Variants in KIF9 observed in about 807,000 individuals in gnomAD.
KIF9 encodes the protein kinesin family member 9, also known as kinesin-like protein KIF9.
KIF9 carries 68 observed loss-of-function variants against 94.8 expected under a neutral mutation model. The ratio of observed to expected loss-of-function variants is 0.72; its 90% CI spans 0.59 to 0.88. The LOEUF is 0.88. Among genes scored for constraint, KIF9 ranks in the 40% least tolerant of loss-of-function variants. KIF9 has a pLI of 0.00. For synonymous variants in KIF9, 343 were observed against 362.1 expected (o/e 0.95, Z 0.60); for missense variants, 882 against 982.5 (o/e 0.90, Z 1.37).
chr3:47,241,161 G>A, intron 16 of KIF9, 146 bp from the exon 17 acceptor site: 1 of 661,858 alleles, frequency 1.5e-6, no homozygotes, highest in Non-Finnish European at 2.6e-6. Flanking sequence ...GCTAAACTGT[G>A]TGTGAATCAT....
chr3:47,233,770 G>C (rs1396319160), intron 20 of KIF9, among the ~76,000 whole-genome samples: 2 of 151,624 alleles, frequency 1.3e-5, no homozygotes, highest in South Asian at 4.2e-4. Flanking sequence ...AGGATGTGTT[G>C]CTAAGTAGAA....
rs529581213 is a variant in KIF9 at position 47,236,809 on chromosome 3, A to T, written c.1925-190T>A. 7.9e-5 allele frequency among the ~76,000 whole-genome samples: 12 copies of T among 152,286 alleles called. No homozygotes were observed. In the South Asian group the frequency reaches 2.5e-3, roughly 32 times the overall value. ...GCTGCCAGGGCATAATCTCACAGGG[A>T]GGGGAGCTCAGCTCAGTGGGGCCAC... On this transcript the variant is annotated intron_variant, in intron 17 of 20. Transcript: ENST00000684063.
intron 9 of KIF9, chr3:47,264,000 T>C (rs1289001109): frequency 3.8e-6 from 2 of 529,792 alleles, no homozygotes; most frequent in East Asian, 9.5e-5. Flanking sequence ...CCAGGAAACA[T>C]GGTCCTTGTC....
rs760870772 is a variant in KIF9, at chr3:47,240,908, C to T, written c.1817G>A (p.Arg606Gln). The change falls in exon 17 of 21, where the codon CGG (arginine) becomes CAG (glutamine). Residue 606 changes from arginine to glutamine, a missense_variant. Arg to Gln is a conservative substitution (Grantham distance 43). Transcript: ENST00000684063. ...TGTGGTCTCGCTGGCCCTTTTCCTC[C>T]GTTCATTCAAGATGGATTTGTTTTC... ...FKENKSILNE[R>Q]RKRASETTQH... The T allele has an allele frequency of 5.6e-6, 9 of 1,614,130 alleles. No individual in the cohort carries two copies. In the Admixed American group the frequency reaches 8.3e-5, roughly 15 times the overall value.
intron 10 of KIF9, among the ~76,000 whole-genome samples, chr3:47,251,103 G>T (rs1446776395): frequency 2.0e-5 from 3 of 152,232 alleles, no homozygotes; most frequent in African/African-American, 7.2e-5. Flanking sequence ...AACAGGAGAG[G>T]CTTGCTGGCC....
intron 16 of KIF9, among the ~76,000 whole-genome samples, chr3:47,241,768 CGT>C (rs1699525643): frequency 7.7e-6 from 1 of 129,232 alleles, no homozygotes; most frequent in South Asian, 2.4e-4. Flanking sequence ...TACATATATA[CGT>C]ATATATACAT....
intron 7 of KIF9, among the ~76,000 whole-genome samples, chr3:47,266,530 A>C (rs1393839689): frequency 6.6e-6 from 1 of 152,162 alleles, no homozygotes; most frequent in African/African-American, 2.4e-5. Flanking sequence ...CTGTGGTCCC[A>C]GATACTTGAG....
chr3:47,245,974 G>A, intron 13 of KIF9: 2 of 543,094 alleles, frequency 3.7e-6, no homozygotes, highest in Non-Finnish European at 6.6e-6. Flanking sequence ...TATTCACAAT[G>A]CCCTGCTCTG....
intron 9 of KIF9, among the ~76,000 whole-genome samples, chr3:47,260,885 G>A (rs899787300): frequency 5.9e-5 from 9 of 152,328 alleles, no homozygotes; most frequent in African/African-American, 9.6e-5. Flanking sequence ...GGGACAGTAC[G>A]CCCCAAGTGT....
At chr3:47,280,687 A>T (rs1299179710) in intron 1 of KIF9, among the ~76,000 whole-genome samples, 1 of 152,156 alleles carries the variant, frequency 6.6e-6, no homozygotes, top group Admixed American at 6.5e-5. Flanking sequence ...GTCTCAACAA[A>T]ACAAAACAAA....
chr3:47,240,479 C>T (rs1699387577), intron 17 of KIF9, among the ~76,000 whole-genome samples: 1 of 152,166 alleles, frequency 6.6e-6, no homozygotes, highest in South Asian at 2.1e-4. Context: ...CACCAGCTAC[C>T]CATCTCCCAG....
intron 5 of KIF9, among the ~76,000 whole-genome samples, chr3:47,267,466 G>C (rs1190474210): frequency 3.9e-5 from 6 of 152,254 alleles, no homozygotes; most frequent in Non-Finnish European, 7.3e-5. Flanking sequence ...CGCCGCTGGG[G>C]AAGTGTGAAT....
chr3:47,229,596 T>C (rs1395825474), intron 20 of KIF9, among the ~76,000 whole-genome samples: 1 of 152,188 alleles, frequency 6.6e-6, no homozygotes, highest in Non-Finnish European at 1.5e-5. Flanking sequence ...GGTTCGAGTA[T>C]AACATTTGCA....
chr3:47,246,130 G>T, intron 13 of KIF9, 67 bp downstream of exon 13: 1 of 1,425,150 alleles, frequency 7.0e-7, no homozygotes, highest in Non-Finnish European at 9.9e-7. Context: ...GGAGGCAAGT[G>T]CCCAGATGGC....
At chr3:47,254,463 T>C (rs953578340) in intron 10 of KIF9, among the ~76,000 whole-genome samples, 5 of 151,510 alleles carry the variant, frequency 3.3e-5, no homozygotes, top group African/African-American at 1.2e-4. Flanking sequence ...AAACAAAAAT[T>C]AGCTGGGCAT....
chr3:47,245,600 ATGGGTGAGGCCCCT>A lies in KIF9; in HGVS notation c.1290-103_1290-90del, dbSNP rs1426324528. ...ACCAAGTACTGGGGTTAAAAGTCAT[ATGGGTGAGGCCCCT>A]TGTGTGGGGCCACACCTTCATCATG... On this transcript the variant is annotated intron_variant, in intron 13 of 20. Coordinates refer to ENST00000684063, the MANE Select transcript of KIF9 (RefSeq NM_182902.4). 16 of 949,248 alleles carry A rather than the reference ATGGGTGAGGCCCCT, an allele frequency of 1.7e-5. No individual in the cohort carries two copies. In the East Asian group the frequency reaches 3.1e-4, roughly 19 times the overall value. The allele number at this position is 949,248 out of a possible 1,614,324, so 58.8% of individuals were successfully genotyped here.
At position 47,275,355 on chromosome 3, in the gene KIF9, CA is replaced by C; in HGVS notation, c.228del (p.Asp76GlufsTer28). On this transcript the variant is annotated frameshift_variant, in exon 3 of 21. Coordinates refer to ENST00000684063, the MANE Select transcript of KIF9 (RefSeq NM_182902.4). LOFTEE classifies it high-confidence loss of function. ...TAGCCATCGAGGGCCTGAGAAACCACATCCTTTGCAACTGTCTCATAAACCA... is the reference window on the plus strand; with the variant it reads ...TAGCCATCGAGGGCCTGAGAAACCACTCCTTTGCAACTGTCTCATAAACCA... ...QDLVYETVAKDVVSQALDGYN... is the reference protein window; with the variant it reads ...QDLVYETVAKXVVSQALDGYN... 6.2e-7 allele frequency: 1 copy of C among 1,613,342 alleles called. No individual in the cohort carries two copies. The highest frequency in any genetic ancestry group is 2.2e-5 in the East Asian group (1 of 44,884).
intron 17 of KIF9, chr3:47,239,745 G>A (rs531792654): frequency 9.9e-6 from 13 of 1,307,120 alleles, no homozygotes; most frequent in South Asian, 1.3e-5. Flanking sequence ...GTGCCACCAC[G>A]CCCTGCTCCT....
rs200410795 is a variant in KIF9, at chr3:47,275,423, G to A, written c.161C>T (p.Ser54Leu). 8.1e-6 allele frequency: 13 copies of A among 1,612,918 alleles called. No individual in the cohort carries two copies. Among genetic ancestry groups the A allele is most frequent in the African/African-American group, 1.3e-5 (1 of 74,868 alleles). The change falls in exon 3 of 21, where the codon TCG becomes TTG. Residue 54 changes from serine to leucine, a missense_variant. Ser to Leu is a moderately radical substitution (Grantham distance 145). Transcript: ENST00000684063. ...GVVNNQQTDWSFKLDGVLHDA... is the reference protein window; with the variant it reads ...GVVNNQQTDWLFKLDGVLHDA... Reference sequence around the variant, plus strand: ...GTGAAGAACTCCATCCAACTTAAACGACCAGTCTGTCTGTTGGTTATTGAC... The same window carrying A: ...GTGAAGAACTCCATCCAACTTAAACAACCAGTCTGTCTGTTGGTTATTGAC...
Sources: allele counts gnomAD v4.1 joint callset (sites outside exome capture counted in the v4.1 genomes callset), GRCh38; gene constraint gnomAD v4.1.1; transcripts MANE v1.5; gene names NCBI Gene and HGNC (gene_info 2026-07-23, HGNC 2026-07-21).